The following SMOC1 variants were observed in gnomAD, a reference collection of about 807,000 sequenced individuals.
SMOC1 encodes the protein SPARC-related modular calcium-binding protein 1.
SMOC1 carries 22 observed loss-of-function variants against 56.3 expected under a neutral mutation model. The ratio of observed to expected loss-of-function variants is 0.39; its 90% confidence interval spans 0.28 to 0.56. SMOC1 has a LOEUF of 0.56. Ranked by LOEUF, SMOC1 falls within the 20% of genes least tolerant of loss-of-function variation. The pLI is 0.61. For missense variants in SMOC1, 509 were observed against 565.4 expected (o/e 0.90, Z 1.01); for synonymous variants, 193 against 215.0 (o/e 0.90, Z 0.89).
intron 10 of SMOC1, among the ~76,000 whole-genome samples, chr14:70,018,356 G>A (rs1885593547): frequency 6.8e-6 from 1 of 146,542 alleles, no homozygotes; most frequent in African/African-American, 2.6e-5. Flanking sequence ...AGAGTGGGAG[G>A]CATCTACTCC....
At chr14:70,013,574 G>T (rs227408) in intron 10 of SMOC1, 83 bp downstream of exon 10, 1 of 1,205,668 alleles carries the variant, frequency 8.3e-7, no homozygotes, top group Non-Finnish European at 1.2e-6. Flanking sequence ...GTGAGAGAGT[G>T]GGCAGGGTTT....
chr14:69,884,712 T>G (rs981311496), intron 1 of SMOC1, among the ~76,000 whole-genome samples: 3 of 152,214 alleles, frequency 2.0e-5, no homozygotes, highest in Middle Eastern at 3.2e-3. Context: ...TGTGTGTTCT[T>G]GGTACCTTTG....
At chr14:70,017,767 G>A (rs1885571117) in intron 10 of SMOC1, among the ~76,000 whole-genome samples, 4 of 152,170 alleles carry the variant, frequency 2.6e-5, no homozygotes, top group Admixed American at 1.3e-4. Flanking sequence ...GTCTGGAAGG[G>A]AGATACAGAA....
chr14:69,939,372 A>G (rs900563504), intron 1 of SMOC1, among the ~76,000 whole-genome samples: 19 of 152,218 alleles, frequency 1.2e-4, no homozygotes, highest in Non-Finnish European at 2.6e-4. Flanking sequence ...TGAGAACAGC[A>G]TGGGAAAAAA....
At position 70,030,437 on chromosome 14, in the gene SMOC1, C is replaced by A; in HGVS notation, c.*179C>A. On this transcript the variant is annotated 3_prime_UTR_variant, in exon 12 of 12. Coordinates refer to ENST00000361956, the MANE Select transcript of SMOC1 (RefSeq NM_001034852.3). ...TTTTGTTTTTGGTTTCATTTTAAAA[C>A]ACCAATATCTAATACCACAGTGGGA... 1.6e-6 allele frequency: 1 copy of A among 628,514 alleles called. No individual in the cohort carries two copies. The highest frequency in any genetic ancestry group is 2.7e-6 in the Non-Finnish European group (1 of 369,858). 38.9% of individuals were successfully genotyped at this position (628,514 alleles called of 1,614,324 possible).
chr14:69,958,027 G>A (rs1477308030), intron 3 of SMOC1, among the ~76,000 whole-genome samples: 1 of 152,176 alleles, frequency 6.6e-6, no homozygotes, highest in Non-Finnish European at 1.5e-5. Context: ...TCAGTTATTT[G>A]GAATCCTGAA....
chr14:69,926,682 A>G (rs1449468519), intron 1 of SMOC1, among the ~76,000 whole-genome samples: 2 of 151,280 alleles, frequency 1.3e-5, no homozygotes, highest in Non-Finnish European at 2.9e-5. Flanking sequence ...CTTCCCTCAC[A>G]CTCTCTGCTC....
intron 2 of SMOC1, 35 bp downstream of exon 2, chr14:69,952,338 G>A (rs1883033593): frequency 1.9e-6 from 3 of 1,612,042 alleles, no homozygotes; most frequent in South Asian, 2.2e-5. Flanking sequence ...CCAAGGAGAG[G>A]TTCCTGGGCA....
Position 69,976,246 on chromosome 14 carries a change from T to C in SMOC1, c.478+432T>C, listed in dbSNP as rs79094743. On this transcript the variant is annotated intron_variant, in intron 4 of 11. Transcript: ENST00000361956. ...TCATGGGATCAGGAGAGAAGAATGG[T>C]GGCTTCTGTGTCATATACTCACCAC... is the stretch of plus-strand genomic sequence containing the variant. 3.3e-5 allele frequency among the ~76,000 whole-genome samples: 5 copies of C among 152,308 alleles called. No homozygotes were observed. The East Asian group carries it at 9.7e-4, about 29-fold the overall frequency.
At chr14:69,886,442 C>G (rs1883812489) in intron 1 of SMOC1, among the ~76,000 whole-genome samples, 1 of 152,154 alleles carries the variant, frequency 6.6e-6, no homozygotes, top group Non-Finnish European at 1.5e-5. Flanking sequence ...CAACCTGAAC[C>G]CCTGCTGTTG....
Position 69,879,761 on chromosome 14 carries a change from G to A in SMOC1, c.83G>A (p.Arg28His). 1 of 1,591,090 alleles carries A rather than the reference G, an allele frequency of 6.3e-7. No individual in the cohort carries two copies. The highest frequency in any genetic ancestry group is 2.3e-5 in the East Asian group (1 of 44,066). ...CAGCTGTCCCCTGCTCGCGGCCACC[G>A]CACCACAGGCCCCAGGGTAAGTGCG... The part of the protein sequence containing the change: ...LVQLSPARGH[R>H]TTGPRFLISD... The change falls in exon 1 of 12, where the codon CGC (arginine) becomes CAC (histidine). Residue 28 changes from arginine (R) to histidine (H), a missense_variant. By Grantham distance (29) the Arg-to-His change is conservative (BLOSUM62 0). Around this residue, in one of 3 missense-constraint regions of SMOC1, gnomAD observed 315 missense variants for 333.1 expected, o/e 0.95. Coordinates refer to ENST00000361956, the MANE Select transcript of SMOC1 (RefSeq NM_001034852.3).
chr14:69,889,456 T>G (rs996795993), intron 1 of SMOC1, among the ~76,000 whole-genome samples: 4 of 152,192 alleles, frequency 2.6e-5, no homozygotes, highest in Non-Finnish European at 5.9e-5. Flanking sequence ...AGGAGCAGCC[T>G]CAGCATAGGC....
chr14:69,905,664 G>T (rs1163259007), intron 1 of SMOC1, among the ~76,000 whole-genome samples: 1 of 152,150 alleles, frequency 6.6e-6, no homozygotes, highest in Non-Finnish European at 1.5e-5. Flanking sequence ...TGATAGTGGG[G>T]TTGAAGAAAA....
chr14:70,004,246 A>T (rs903899847), intron 7 of SMOC1, among the ~76,000 whole-genome samples: 8 of 152,166 alleles, frequency 5.3e-5, no homozygotes, highest in Admixed American at 6.5e-5. Flanking sequence ...CTGTAAGATT[A>T]GCCTTTTTTC....
At chr14:69,899,766 T>G (rs905532965) in intron 1 of SMOC1, among the ~76,000 whole-genome samples, 1 of 152,140 alleles carries the variant, frequency 6.6e-6, no homozygotes, top group Non-Finnish European at 1.5e-5. Context: ...CCCTCAGACT[T>G]ATTCCTCCTG....
At chr14:69,982,963 C>T (rs1046093631) in intron 5 of SMOC1, among the ~76,000 whole-genome samples, 3 of 152,330 alleles carry the variant, frequency 2.0e-5, no homozygotes, top group African/African-American at 4.8e-5. Context: ...TTCTCCGAGC[C>T]GCCTCCACCA....
At chr14:70,000,937 G>A (rs2045064487) in intron 7 of SMOC1, among the ~76,000 whole-genome samples, 1 of 152,212 alleles carries the variant, frequency 6.6e-6, no homozygotes. Flanking sequence ...GGTGGACGGT[G>A]TTACTTTTGT....
chr14:69,902,854 G>A (rs1215206466), intron 1 of SMOC1, among the ~76,000 whole-genome samples: 1 of 152,190 alleles, frequency 6.6e-6, no homozygotes, highest in Non-Finnish European at 1.5e-5. Flanking sequence ...TCCTAACTGC[G>A]AGTGATCTGC....
At chr14:69,937,079 G>T (rs1205145667) in intron 1 of SMOC1, among the ~76,000 whole-genome samples, 1 of 152,086 alleles carries the variant, frequency 6.6e-6, no homozygotes, top group African/African-American at 2.4e-5. Context: ...GAGTCTTTTG[G>T]GTGTTATCCT....
Sources: allele counts gnomAD v4.1 joint callset (sites outside exome capture counted in the v4.1 genomes callset), GRCh38; gene constraint gnomAD v4.1.1; regional missense constraint gnomAD v4.1.1; transcripts MANE v1.5; gene names NCBI Gene and HGNC (gene_info 2026-07-23, HGNC 2026-07-21).